POC1B: variants seen among roughly 807,000 people sequenced by gnomAD.
POC1B encodes POC1 centriolar protein B, also known as POC1 centriolar protein homolog B.
POC1B carries 44 observed loss-of-function variants against 60.6 expected under a neutral mutation model. The ratio of observed to expected loss-of-function variants is 0.73; its 90% confidence interval spans 0.57 to 0.93. The LOEUF (loss-of-function observed/expected upper bound fraction) is 0.93. Among genes scored for constraint, POC1B ranks in the 40% least tolerant of loss-of-function variants. POC1B has a pLI of 0.00. For missense variants in POC1B, 555 were observed against 572.3 expected (o/e 0.97, Z 0.31); for synonymous variants, 180 against 198.9 (o/e 0.90, Z 0.80).
chr12:89,402,351 A>G, the POC1B span, among the ~76,000 whole-genome samples: 3 of 151,790 alleles, frequency 2.0e-5, no homozygotes, highest in African/African-American at 7.3e-5. Flanking sequence ...ACACACACAC[A>G]CACACACACA....
intron 9 of POC1B, 51 bp from the exon 10 acceptor site, chr12:89,459,769 C>A: frequency 9.4e-7 from 1 of 1,058,770 alleles, no homozygotes; most frequent in Non-Finnish European, 1.3e-6. Context: ...CATAAGAAAC[C>A]AAATACTATT....
chr12:89,403,359 G>A, the POC1B span, among the ~76,000 whole-genome samples: 4 of 152,106 alleles, frequency 2.6e-5, no homozygotes, highest in Non-Finnish European at 5.9e-5. Context: ...ATTTGAAACT[G>A]TGATGAGAGC....
At chr12:89,502,688 A>C in intron 2 of POC1B, 1 of 1,334,818 alleles carries the variant, frequency 7.5e-7, no homozygotes, top group Non-Finnish European at 1.1e-6. Flanking sequence ...GAAGGTATAT[A>C]ACACATTGGA....
chr12:89,501,297 A>T, intron 2 of POC1B: 1 of 1,020,118 alleles, frequency 9.8e-7, no homozygotes. Flanking sequence ...GTAGATCTAC[A>T]AAATATGAAA....
At chr12:89,515,958 C>G (rs1415264347) in intron 2 of POC1B, among the ~76,000 whole-genome samples, 1 of 152,136 alleles carries the variant, frequency 6.6e-6, no homozygotes, top group Non-Finnish European at 1.5e-5. Context: ...GGCAAAAATC[C>G]CAATCACTCT....
chr12:89,504,849 A>AAT (rs1358880365), intron 2 of POC1B, among the ~76,000 whole-genome samples: 1 of 152,216 alleles, frequency 6.6e-6, no homozygotes, highest in Non-Finnish European at 1.5e-5. Flanking sequence ...TCATGCCTGT[A>AAT]ATCCCAGCAA....
At chr12:89,503,684 T>C (rs1346057753) in intron 2 of POC1B, among the ~76,000 whole-genome samples, 3 of 78,066 alleles carry the variant, frequency 3.8e-5, no homozygotes, top group African/African-American at 1.6e-4. Flanking sequence ...GCCTCTGCCC[T>C]GCTGCGACCC....
rs564214448 is a variant in POC1B, at chr12:89,520,791, C to T, written c.100+4329G>A. The T allele has an allele frequency of 3.3e-5, 5 of 152,202 alleles. No individual in the cohort carries two copies. The South Asian group carries it at 6.2e-4, about 19-fold the overall frequency. 9.4% of individuals were successfully genotyped at this position (152,202 alleles called of 1,614,324 possible). On this transcript the variant is annotated intron_variant, in intron 2 of 11. Coordinates refer to ENST00000313546, the MANE Select transcript of POC1B (RefSeq NM_172240.3). ...ACTCGTGAATACAGTGGACTCTTTA[C>T]GAGGCATGCATTTTTCATAAATCTA...
chr12:89,501,105 G>A (rs747076354), intron 2 of POC1B: 10 of 1,256,920 alleles, frequency 8.0e-6, no homozygotes, highest in Admixed American at 1.7e-5. Flanking sequence ...CCATATCCCC[G>A]GCTGAGAGCA....
At chr12:89,495,755 G>GTATTAT (rs374258039) in intron 3 of POC1B, among the ~76,000 whole-genome samples, 18 of 151,320 alleles carry the variant, frequency 1.2e-4, no homozygotes, top group East Asian at 1.9e-4. Context: ...TACTTTATTC[G>GTATTAT]TATTATTATT....
intron 4 of POC1B, among the ~76,000 whole-genome samples, chr12:89,476,832 C>T (rs965894751): frequency 1.3e-5 from 2 of 151,946 alleles, no homozygotes; most frequent in African/African-American, 4.8e-5. Flanking sequence ...CTTCAGAATA[C>T]ATTTTCTATA....
intron 10 of POC1B, among the ~76,000 whole-genome samples, chr12:89,456,700 G>C (rs1882276430): frequency 6.6e-6 from 1 of 151,274 alleles, no homozygotes; most frequent in Admixed American, 6.6e-5. Flanking sequence ...AGCTTATTTT[G>C]ATCCACAATA....
intron 4 of POC1B, among the ~76,000 whole-genome samples, chr12:89,480,595 ATTTTT>A (rs765505677): frequency 4.3e-5 from 3 of 69,908 alleles, no homozygotes; most frequent in Non-Finnish European, 7.7e-5. Flanking sequence ...TAATTTTTGT[ATTTTT>A]TTTTTTTTTT....
At chr12:89,521,697 TTCATTCAG>T (rs1384660327) in intron 2 of POC1B, 1 of 262,886 alleles carries the variant, frequency 3.8e-6, no homozygotes, top group Admixed American at 5.4e-5. Flanking sequence ...CATTCATTCA[TTCATTCAG>T]TCATTCATTC....
intron 10 of POC1B, among the ~76,000 whole-genome samples, chr12:89,448,234 G>A (rs554346188): frequency 6.6e-6 from 1 of 152,162 alleles, no homozygotes; most frequent in Admixed American, 6.5e-5. Context: ...GAACTCAGGA[G>A]TTCAAGACAA....
chr12:89,458,582 C>G (rs900456373), intron 10 of POC1B, among the ~76,000 whole-genome samples: 6 of 152,018 alleles, frequency 3.9e-5, no homozygotes, highest in African/African-American at 1.4e-4. Context: ...CTGAAAGGAC[C>G]CTTGAATAAT....
chr12:89,425,044 G>T (rs1412083024), intron 11 of POC1B, 117 bp downstream of exon 11: 2 of 1,002,274 alleles, frequency 2.0e-6, no homozygotes, highest in African/African-American at 1.6e-5. Context: ...CCTTGAGTTT[G>T]CTTTGCTAGT....
intron 2 of POC1B, chr12:89,501,781 T>A: frequency 2.0e-6 from 2 of 1,023,658 alleles, no homozygotes; most frequent in Non-Finnish European, 3.1e-6. Flanking sequence ...TAGGCAAAAA[T>A]CTGCTAAGAA....
In POC1B at chr12:89,458,974, T is replaced by C. The variant is rs534885766; in HGVS notation, c.1113+664A>G. Among the ~76,000 whole-genome samples the C allele has an allele frequency of 7.4e-4, 112 of 152,322 alleles. 1 individual carries two copies. The highest frequency in any genetic ancestry group is 2.6e-3 in the African/African-American group (108 of 41,580). ...ATATATGTAATTTCTATCAACAAAA[T>C]TGTAAGTATTAGAAATACTTCTTAA... On this transcript the variant is annotated intron_variant, in intron 10 of 11. Transcript: ENST00000313546.
Sources: allele counts gnomAD v4.1 joint callset (sites outside exome capture counted in the v4.1 genomes callset), GRCh38; gene constraint gnomAD v4.1.1; transcripts MANE v1.5; gene names NCBI Gene and HGNC (gene_info 2026-07-23, HGNC 2026-07-21).